DMD: variants seen among roughly 807,000 people sequenced by gnomAD.
DMD encodes mutant dystrophin.
A neutral mutation model predicts 330.1 loss-of-function variants in DMD; 63 were observed. The observed-to-expected ratio is 0.19, with a 90% confidence interval of 0.16 to 0.24. The LOEUF (loss-of-function observed/expected upper bound fraction) is 0.24. Among genes scored for constraint, DMD ranks in the 10% least tolerant of loss-of-function variants. DMD has a pLI of 1.00. For missense variants in DMD, 3,344 were observed against 2,684.1 expected (o/e 1.25, Z -5.43); for synonymous variants, 1,223 against 959.8 (o/e 1.27, Z -5.07).
intron 1 of DMD, among the ~76,000 whole-genome samples, chrX:33,196,271 T>A (rs138565117): frequency 0.016 from 1,838 of 111,695 alleles, 15 homozygotes; most frequent in Middle Eastern, 0.055. Context: ...AGTAATTTTA[T>A]ATCTAGACAG....
intron 6 of DMD, among the ~76,000 whole-genome samples, chrX:32,811,178 T>TTGAA (rs1363211065): frequency 1.2e-5 from 1 of 86,516 alleles, no homozygotes; most frequent in African/African-American, 4.2e-5. Flanking sequence ...TACAACTTAT[T>TTGAA]AAAAAAAAAA....
At chrX:31,966,798 G>A (rs886620173) in intron 45 of DMD, among the ~76,000 whole-genome samples, 1 of 110,609 alleles carries the variant, frequency 9.0e-6, no homozygotes, top group African/African-American at 3.3e-5. Context: ...CAGATAACAA[G>A]ATTTTGAAAA....
At chrX:32,302,188 T>C (rs2097525904) in intron 42 of DMD, among the ~76,000 whole-genome samples, 1 of 111,314 alleles carries the variant, frequency 9.0e-6, no homozygotes, top group African/African-American at 3.2e-5. Context: ...AGTATAGTAT[T>C]CACTAAATTG....
At chrX:31,867,090 T>TTATATATATATATATATATATATATATA (rs1569487063) in intron 48 of DMD, among the ~76,000 whole-genome samples, 1 of 56,854 alleles carries the variant, frequency 1.8e-5, no homozygotes, top group African/African-American at 8.3e-5. Context: ...CAACATATTT[T>TTATATATATATATATATATATATATATA]GATATATATA....
intron 50 of DMD, among the ~76,000 whole-genome samples, chrX:31,800,404 T>C (rs1157405199): frequency 1.8e-5 from 2 of 112,601 alleles, no homozygotes; most frequent in Non-Finnish European, 3.8e-5. Flanking sequence ...GCCTGAGCTG[T>C]ACTTTGGCTT....
chrX:32,743,364 T>C (rs1294148124), intron 7 of DMD, among the ~76,000 whole-genome samples: 1 of 111,549 alleles, frequency 9.0e-6, no homozygotes, highest in African/African-American at 3.3e-5. Flanking sequence ...CACTTTATCA[T>C]TTTCCTACTC....
chrX:33,129,678 A>G (rs1262541225), intron 1 of DMD, among the ~76,000 whole-genome samples: 3 of 110,098 alleles, frequency 2.7e-5, no homozygotes, highest in Non-Finnish European at 3.8e-5. Flanking sequence ...TTTGGAGAGA[A>G]CAGGAGGTGT....
rs766445140 is a variant in DMD, at chrX:32,484,221, GTC to G, written c.2803+696_2803+697del. 5.5e-4 allele frequency among the ~76,000 whole-genome samples: 61 copies of G among 111,748 alleles called. 1 individual carries two copies. In the South Asian group the frequency reaches 0.021, roughly 39 times the overall value. On this transcript the variant is annotated intron_variant, in intron 21 of 78. Transcript: ENST00000357033. Reference sequence around the variant, plus strand: ...ATTTCTTAAAGGTGGTCATTCATCTGTCTCTGAAAAGAATTTTTGTCTTAAAA... The same window carrying G: ...ATTTCTTAAAGGTGGTCATTCATCTGTCTGAAAAGAATTTTTGTCTTAAAA...
intron 42 of DMD, among the ~76,000 whole-genome samples, chrX:32,305,287 A>G (rs1403941248): frequency 9.0e-6 from 1 of 111,386 alleles, no homozygotes; most frequent in Non-Finnish European, 1.9e-5. Flanking sequence ...GAAAGATCTT[A>G]ACCAGTGTAT....
chrX:32,821,884 C>G (rs1193227336), intron 5 of DMD, among the ~76,000 whole-genome samples: 1 of 110,483 alleles, frequency 9.1e-6, no homozygotes, highest in East Asian at 2.9e-4. Context: ...GCTATGATGG[C>G]TATATAACTC....
intron 21 of DMD, among the ~76,000 whole-genome samples, chrX:32,479,209 C>T (rs1445037033): frequency 9.0e-6 from 1 of 111,265 alleles, no homozygotes; most frequent in Non-Finnish European, 1.9e-5. Context: ...ATGTTTTGAT[C>T]TATGTATGCA....
intron 7 of DMD, among the ~76,000 whole-genome samples, chrX:32,736,497 C>T (rs1333296480): frequency 3.6e-5 from 4 of 110,235 alleles, no homozygotes; most frequent in Admixed American, 9.6e-5. Flanking sequence ...TTCACGATAG[C>T]AAAGACTTGG....
In DMD at chrX:31,365,403, T is replaced by C. The variant is rs189111983; in HGVS notation, c.9085-16769A>G. Among the ~76,000 whole-genome samples, 5 of 112,074 alleles carry C rather than the reference T, an allele frequency of 4.5e-5. No homozygotes were observed. The East Asian group carries it at 1.1e-3, about 25-fold the overall frequency. ...ATTTAGTTGAAAACTCAAAGCCACA[T>C]TTGTCCACTGAAAGCTTTTAAAAAG... On this transcript the variant is annotated intron_variant, in intron 60 of 78. Coordinates refer to ENST00000357033, the MANE Select transcript of DMD (RefSeq NM_004006.3).
intron 7 of DMD, among the ~76,000 whole-genome samples, chrX:32,716,390 T>C (rs928468689): frequency 1.8e-5 from 2 of 111,062 alleles, no homozygotes; most frequent in East Asian, 5.7e-4. Context: ...AGGTATAAGA[T>C]GTGCCTGCTT....
intron 7 of DMD, among the ~76,000 whole-genome samples, chrX:32,744,748 A>G (rs1361028199): frequency 1.8e-5 from 2 of 111,424 alleles, no homozygotes; most frequent in Non-Finnish European, 3.8e-5. Context: ...AATCCTCTTC[A>G]TCTGCTTTGT....
intron 44 of DMD, among the ~76,000 whole-genome samples, chrX:32,132,336 T>A (rs763450559): frequency 9.0e-6 from 1 of 111,614 alleles, no homozygotes; most frequent in East Asian, 2.8e-4. Context: ...CTCCATCAAA[T>A]TTTATGCATC....
At chrX:31,888,288 T>C (rs891465899) in intron 47 of DMD, among the ~76,000 whole-genome samples, 1 of 111,725 alleles carries the variant, frequency 9.0e-6, no homozygotes, top group African/African-American at 3.3e-5. Context: ...AATCAATATT[T>C]ACCTAGTAGC....
chrX:31,545,833 C>A (rs956463543), intron 55 of DMD, among the ~76,000 whole-genome samples: 1 of 111,811 alleles, frequency 8.9e-6, no homozygotes, highest in African/African-American at 3.3e-5. Flanking sequence ...TCACTATGTG[C>A]GAGTTACTGT....
intron 11 of DMD, among the ~76,000 whole-genome samples, chrX:32,642,278 G>T (rs1032568893): frequency 8.9e-6 from 1 of 112,260 alleles, no homozygotes; most frequent in Non-Finnish European, 1.9e-5. Flanking sequence ...TGTGATAGAA[G>T]TGGTTACATG....
Sources: allele counts gnomAD v4.1 joint callset (sites outside exome capture counted in the v4.1 genomes callset), GRCh38; gene constraint gnomAD v4.1.1; transcripts MANE v1.5; gene names NCBI Gene and HGNC (gene_info 2026-07-23, HGNC 2026-07-21).